CCAR1: variants seen among roughly 807,000 people sequenced by gnomAD.
CCAR1 encodes cell division cycle and apoptosis regulator protein 1.
Under a neutral mutation model 163.8 loss-of-function variants are expected in CCAR1, and 78 were observed. That is an observed-to-expected ratio of 0.48 (90% CI 0.40 to 0.57). CCAR1 has a LOEUF of 0.57. CCAR1 is among the 20% of genes least tolerant of loss of function. CCAR1 has a pLI of 0.00. For missense variants in CCAR1, 1,019 were observed against 1,365.2 expected, an observed-to-expected ratio of 0.75 and a Z score of 4.00; for synonymous variants, 443 against 460.7, an observed-to-expected ratio of 0.96 and a Z score of 0.49.
At chr10:68,740,685 T>G in intron 5 of CCAR1, 24 bp downstream of exon 5, 1 of 1,589,710 alleles carries the variant, frequency 6.3e-7, no homozygotes, top group East Asian at 2.3e-5. Context: ...ACTTTATTTG[T>G]TTTGGATGTC....
chr10:68,750,237 A>G (rs187662816), intron 10 of CCAR1, among the ~76,000 whole-genome samples: 1,970 of 120,058 alleles, frequency 0.016, 50 homozygotes, highest in African/African-American at 0.057. Flanking sequence ...TTTTTTTGAG[A>G]TAGGGTCTTA....
Position 68,786,592 on chromosome 10 carries a change from TG to T in CCAR1, c.2782del (p.Ala928LeufsTer34). ...QMITINRDLL[M>X]AFVYFDQSHC... Reference sequence around the variant, plus strand: ...ATCACAATTAACAGAGATCTGTTAATGGCTTTTGTTTATTTTGATCAAAGTC... The same window carrying T: ...ATCACAATTAACAGAGATCTGTTAATGCTTTTGTTTATTTTGATCAAAGTC... On this transcript the variant is annotated frameshift_variant, in exon 21 of 25. Coordinates refer to ENST00000265872, the MANE Select transcript of CCAR1 (RefSeq NM_018237.4). LOFTEE classifies it high-confidence loss of function. The T allele has an allele frequency of 6.3e-7, 1 of 1,599,886 alleles. No homozygotes were observed. Among genetic ancestry groups the T allele is most frequent in the Non-Finnish European group, 8.5e-7 (1 of 1,173,606 alleles).
chr10:68,778,379 G>T (rs1161819814), intron 19 of CCAR1, among the ~76,000 whole-genome samples: 1 of 152,064 alleles, frequency 6.6e-6, no homozygotes, highest in Non-Finnish European at 1.5e-5. Flanking sequence ...TGCTAGCAGG[G>T]TCTTTCCTGG....
intron 15 of CCAR1, 93 bp from the exon 16 acceptor site, chr10:68,760,914 A>G: frequency 2.1e-6 from 1 of 471,776 alleles, no homozygotes; most frequent in Non-Finnish European, 3.9e-6. Flanking sequence ...ATAATTGTTA[A>G]TTGTAGCTAG....
At chr10:68,736,620 C>T (rs1382430886) in intron 2 of CCAR1, among the ~76,000 whole-genome samples, 1 of 152,118 alleles carries the variant, frequency 6.6e-6, no homozygotes, top group African/African-American at 2.4e-5. Context: ...ACATAATGTC[C>T]TTCAAGGTTC....
intron 6 of CCAR1, among the ~76,000 whole-genome samples, 174 bp from the exon 7 acceptor site, chr10:68,746,987 A>G (rs2056264848): frequency 6.6e-6 from 1 of 152,024 alleles, no homozygotes; most frequent in Admixed American, 6.6e-5. Context: ...GGTGTGCTGC[A>G]CACCCATCTA....
In CCAR1 at chr10:68,787,991, C is replaced by G. The variant is rs760947266; in HGVS notation, c.2945C>G (p.Thr982Ser). ...ESCFYRKLTD[T>S]SKDEENHEES... ...TGCTTTTACCGGAAATTAACAGACACCTCAAAAGATGAAGAGAACCATGAA... is the reference window on the plus strand; with the variant it reads ...TGCTTTTACCGGAAATTAACAGACAGCTCAAAAGATGAAGAGAACCATGAA... The change falls in exon 22 of 25, where the codon ACC becomes AGC. Residue 982 changes from threonine to serine, a missense_variant. Transcript: ENST00000265872. 1.2e-6 allele frequency: 2 copies of G among 1,612,688 alleles called. No homozygotes were observed. Among genetic ancestry groups the G allele is most frequent in the Non-Finnish European group, 1.7e-6 (2 of 1,179,216 alleles).
At chr10:68,779,342 C>T (rs185391635) in intron 19 of CCAR1, among the ~76,000 whole-genome samples, 2 of 151,910 alleles carry the variant, frequency 1.3e-5, no homozygotes, top group East Asian at 3.9e-4. Context: ...ACTACAACCC[C>T]TGTCTCCCAG....
chr10:68,727,947 T>G (rs973827369), intron 2 of CCAR1, among the ~76,000 whole-genome samples: 1 of 152,192 alleles, frequency 6.6e-6, no homozygotes, highest in African/African-American at 2.4e-5. Flanking sequence ...CAAGCAATTC[T>G]CCTGCCTCAG....
intron 15 of CCAR1, among the ~76,000 whole-genome samples, chr10:68,758,987 C>T (rs1229421132): frequency 6.6e-6 from 1 of 152,064 alleles, no homozygotes; most frequent in East Asian, 1.9e-4. Context: ...TCATTCATAA[C>T]ATTGTTAGGT....
chr10:68,726,872 TG>T (rs1215397135), intron 2 of CCAR1, among the ~76,000 whole-genome samples: 1 of 151,594 alleles, frequency 6.6e-6, no homozygotes, highest in Non-Finnish European at 1.5e-5. Context: ...GGTGTGCATC[TG>T]TAATCCCAGC....
At chr10:68,744,916 T>A (rs73264545) in intron 6 of CCAR1, among the ~76,000 whole-genome samples, 1 of 151,860 alleles carries the variant, frequency 6.6e-6, no homozygotes, top group Non-Finnish European at 1.5e-5. Flanking sequence ...CATAGTGAAC[T>A]GCAAAGTTGA....
At chr10:68,742,776 C>T (rs1410711187) in intron 6 of CCAR1, among the ~76,000 whole-genome samples, 1 of 151,296 alleles carries the variant, frequency 6.6e-6, no homozygotes. Context: ...CCACCACACT[C>T]GGCTAATTTT....
At position 68,789,883 on chromosome 10, in the gene CCAR1, G is replaced by T; in HGVS notation, c.3361G>T (p.Val1121Leu). ...MNKTIRNLST[V>L]MDEIHTVLKK... ...TAAGACAATCAGAAACTTATCTACGGTAATGGATGAAATCCACACTGTTCT... is the reference window on the plus strand; with the variant it reads ...TAAGACAATCAGAAACTTATCTACGTTAATGGATGAAATCCACACTGTTCT... The change falls in exon 24 of 25, where the codon GTA becomes TTA. Residue 1121 changes from valine (V) to leucine (L), a missense_variant. By Grantham distance (32) the Val-to-Leu change is conservative. Transcript: ENST00000265872. 1 of 1,595,782 alleles carries T rather than the reference G, an allele frequency of 6.3e-7. No homozygotes were observed. The highest frequency in any genetic ancestry group is 1.2e-5 in the South Asian group (1 of 86,350).
chr10:68,740,931 T>A (rs867179439), intron 5 of CCAR1, among the ~76,000 whole-genome samples: 5 of 146,718 alleles, frequency 3.4e-5, no homozygotes, highest in East Asian at 2.0e-4. Flanking sequence ...TTATTTATTT[T>A]GAGGCAGAAT....
intron 2 of CCAR1, among the ~76,000 whole-genome samples, chr10:68,726,993 C>T (rs886812997): frequency 7.3e-6 from 1 of 136,984 alleles, no homozygotes; most frequent in Non-Finnish European, 1.6e-5. Flanking sequence ...GACTTCCTCT[C>T]AAAAAAAAAT....
At chr10:68,740,968 C>T (rs565689561) in intron 5 of CCAR1, among the ~76,000 whole-genome samples, 3 of 151,550 alleles carry the variant, frequency 2.0e-5, no homozygotes, top group Admixed American at 2.0e-4. Context: ...GGCTGGAGTG[C>T]AATGGCGCAG....
chr10:68,748,321 A>G (rs1385069854), intron 8 of CCAR1, among the ~76,000 whole-genome samples: 1 of 151,608 alleles, frequency 6.6e-6, no homozygotes, highest in East Asian at 2.0e-4. Flanking sequence ...AATCGCTTGA[A>G]CCCAGGAGGC....
intron 1 of CCAR1, among the ~76,000 whole-genome samples, chr10:68,721,900 A>C (rs1039791119): frequency 6.6e-6 from 1 of 152,106 alleles, no homozygotes; most frequent in Admixed American, 6.5e-5. Flanking sequence ...AGGGACATCC[A>C]TTATCTCAAC....
Sources: allele counts gnomAD v4.1 joint callset (sites outside exome capture counted in the v4.1 genomes callset), GRCh38; gene constraint gnomAD v4.1.1; transcripts MANE v1.5; gene names NCBI Gene and HGNC (gene_info 2026-07-23, HGNC 2026-07-21).